LRP1B: variants seen among roughly 807,000 people sequenced by gnomAD.
LRP1B encodes the protein low-density lipoprotein receptor-related protein 1B.
LRP1B carries 217 observed loss-of-function variants against 556.6 expected under a neutral mutation model. The ratio of observed to expected loss-of-function variants is 0.39; its 90% CI spans 0.35 to 0.44. The LOEUF (loss-of-function observed/expected upper bound fraction) is 0.44. LRP1B is among the 20% of genes least tolerant of loss of function. The pLI is 1.00. For missense variants in LRP1B, 5,053 were observed against 5,620.8 expected (o/e 0.90, Z 3.23); for synonymous variants, 2,047 against 1,865.8 (o/e 1.10, Z -2.50).
chr2:141,226,259 T>C (rs1036336847), intron 6 of LRP1B, among the ~76,000 whole-genome samples: 2 of 152,178 alleles, frequency 1.3e-5, no homozygotes, highest in African/African-American at 4.8e-5. Flanking sequence ...ATGTCCCACT[T>C]CTGCATTCTT....
intron 2 of LRP1B, among the ~76,000 whole-genome samples, chr2:141,595,212 GC>G (rs995330071): frequency 1.1e-4 from 16 of 152,116 alleles, no homozygotes; most frequent in African/African-American, 3.6e-4. Context: ...GTTAAATGTT[GC>G]TTTGTGAAGG....
At chr2:141,356,828 G>A (rs1320147861) in intron 3 of LRP1B, among the ~76,000 whole-genome samples, 4 of 152,026 alleles carry the variant, frequency 2.6e-5, no homozygotes, top group Admixed American at 2.0e-4. Context: ...GTGATTGTAA[G>A]CCATACCCTT....
chr2:141,245,281 G>C (rs1684025441), intron 5 of LRP1B, among the ~76,000 whole-genome samples: 1 of 152,180 alleles, frequency 6.6e-6, no homozygotes, highest in African/African-American at 2.4e-5. Flanking sequence ...AGTAAACTAA[G>C]AAGTAAAAGA....
At position 141,471,271 on chromosome 2, in the gene LRP1B, T is replaced by G. The variant is rs1363961393; in HGVS notation, c.343+9125A>C. ...ACTATTGAGAATATACCCTGGTATT[T>G]TTTTTTTTTTTTTTTTTTTTTTTAC... On this transcript the variant is annotated intron_variant, in intron 3 of 90. Transcript: ENST00000389484. 3.1e-4 allele frequency among the ~76,000 whole-genome samples: 34 copies of G among 109,188 alleles called. 1 individual carries two copies. Among genetic ancestry groups the G allele is most frequent in the African/African-American group, 5.9e-4 (20 of 33,648 alleles). 71.6% of individuals were successfully genotyped at this position (109,188 alleles called of 152,430 possible).
chr2:141,370,157 T>A (rs1009289705), intron 3 of LRP1B, among the ~76,000 whole-genome samples: 18 of 152,298 alleles, frequency 1.2e-4, no homozygotes, highest in Middle Eastern at 3.4e-3. Flanking sequence ...GAGTATCTAC[T>A]GGGTAGATAC....
At chr2:141,301,652 C>T (rs1686400020) in intron 3 of LRP1B, among the ~76,000 whole-genome samples, 1 of 152,122 alleles carries the variant, frequency 6.6e-6, no homozygotes, top group Non-Finnish European at 1.5e-5. Context: ...ATATAAGTGG[C>T]CAATTTGGAC....
chr2:141,595,979 A>G (rs930560615), intron 2 of LRP1B, among the ~76,000 whole-genome samples: 1 of 152,070 alleles, frequency 6.6e-6, no homozygotes, highest in Admixed American at 6.6e-5. Flanking sequence ...GAGGATCTAT[A>G]GTTATTGAAA....
chr2:140,601,192 G>A (rs1389527131), intron 42 of LRP1B, among the ~76,000 whole-genome samples: 1 of 150,982 alleles, frequency 6.6e-6, no homozygotes, highest in African/African-American at 2.4e-5. Flanking sequence ...TTTCCAGCAT[G>A]GTATTGTCTC....
intron 23 of LRP1B, among the ~76,000 whole-genome samples, chr2:140,899,927 C>T (rs1042197296): frequency 2.6e-5 from 4 of 152,012 alleles, no homozygotes; most frequent in Admixed American, 2.6e-4. Flanking sequence ...ATTTATAACT[C>T]TACTAATCAA....
At chr2:141,772,153 A>C (rs1480856571) in intron 2 of LRP1B, among the ~76,000 whole-genome samples, 1 of 152,136 alleles carries the variant, frequency 6.6e-6, no homozygotes, top group Non-Finnish European at 1.5e-5. Context: ...GACAGCTGTC[A>C]GCAAACCGGG....
chr2:140,312,156 A>C (rs1684330752), intron 83 of LRP1B, among the ~76,000 whole-genome samples: 1 of 151,932 alleles, frequency 6.6e-6, no homozygotes, highest in Non-Finnish European at 1.5e-5. Context: ...TGTGGTATTC[A>C]CTTAAAATAT....
At position 140,479,699 on chromosome 2, in the gene LRP1B, G is replaced by T. The variant is rs552081224; in HGVS notation, c.9426-4362C>A. Among the ~76,000 whole-genome samples the T allele has an allele frequency of 3.5e-4, 53 of 152,192 alleles. 1 individual carries two copies. In the Middle Eastern group the frequency reaches 0.01, roughly 29 times the overall value. On this transcript the variant is annotated intron_variant, in intron 59 of 90. Coordinates refer to ENST00000389484, the MANE Select transcript of LRP1B (RefSeq NM_018557.3). ...TTGAATTATAAAATTAACCATATAT[G>T]TTATTTCCCTGTGTGTTTTTGCCTG... is the stretch of plus-strand genomic sequence containing the variant.
chr2:141,556,620 T>C (rs1685969132), intron 2 of LRP1B, among the ~76,000 whole-genome samples: 1 of 151,892 alleles, frequency 6.6e-6, no homozygotes, highest in Non-Finnish European at 1.5e-5. Context: ...AAATAGATCC[T>C]TATATATTTA....
At chr2:141,844,435 A>G (rs1449492682) in intron 1 of LRP1B, among the ~76,000 whole-genome samples, 2 of 152,148 alleles carry the variant, frequency 1.3e-5, no homozygotes, top group East Asian at 1.9e-4. Context: ...ACTTTGTTGC[A>G]TAACTATCTT....
intron 33 of LRP1B, among the ~76,000 whole-genome samples, chr2:140,775,800 T>C (rs1405463008): frequency 6.6e-6 from 1 of 152,192 alleles, no homozygotes; most frequent in Non-Finnish European, 1.5e-5. Flanking sequence ...ATGCATTGTA[T>C]ATATTTTGCC....
At chr2:141,236,204 T>C (rs1385513557) in intron 5 of LRP1B, among the ~76,000 whole-genome samples, 2 of 152,142 alleles carry the variant, frequency 1.3e-5, no homozygotes, top group African/African-American at 2.4e-5. Flanking sequence ...GTCTTTATAG[T>C]GCACAACATG....
At chr2:140,857,559 T>C (rs1692656883) in intron 27 of LRP1B, among the ~76,000 whole-genome samples, 1 of 152,090 alleles carries the variant, frequency 6.6e-6, no homozygotes, top group Non-Finnish European at 1.5e-5. Context: ...ACACCTAAAA[T>C]ATGTGCAAGT....
At chr2:141,089,878 A>G (rs1700134968) in intron 7 of LRP1B, among the ~76,000 whole-genome samples, 2 of 152,238 alleles carry the variant, frequency 1.3e-5, no homozygotes, top group South Asian at 4.1e-4. Context: ...AATGTTCACC[A>G]AAGAAGTGAT....
At chr2:141,394,312 T>C (rs569550739) in intron 3 of LRP1B, among the ~76,000 whole-genome samples, 12 of 152,266 alleles carry the variant, frequency 7.9e-5, no homozygotes, top group African/African-American at 2.4e-4. Context: ...ATTTTAGTCT[T>C]AAGAGATTAT....
Sources: gnomAD v4.1 joint callset for allele counts (sites outside exome capture counted in the v4.1 genomes callset) on GRCh38, gnomAD v4.1.1 for gene constraint, MANE v1.5 for transcripts, NCBI Gene and HGNC (gene_info 2026-07-23, HGNC 2026-07-21) for gene names.